Variants in CCDC178 observed in about 807,000 individuals in gnomAD.
CCDC178 encodes coiled-coil domain containing 178.
A neutral mutation model predicts 117.4 loss-of-function variants in CCDC178; 126 were observed. The ratio of observed to expected loss-of-function variants is 1.07; its 90% CI spans 0.93 to 1.24. CCDC178 has a LOEUF of 1.24. Among genes scored for constraint, CCDC178 ranks in the 50% most tolerant of loss-of-function variants. CCDC178 has a pLI of 0.00. For synonymous variants in CCDC178, 283 were observed against 313.4 expected, an observed-to-expected ratio of 0.90 and a Z score of 1.02; for missense variants, 1,030 against 986.9, an observed-to-expected ratio of 1.04 and a Z score of -0.59.
intron 2 of CCDC178, among the ~76,000 whole-genome samples, chr18:33,418,261 GA>G (rs1439562711): frequency 4.6e-5 from 7 of 152,266 alleles, no homozygotes; most frequent in African/African-American, 1.7e-4. Flanking sequence ...AATAGATGCA[GA>G]AAAGGCTTTT....
intron 21 of CCDC178, among the ~76,000 whole-genome samples, chr18:32,978,663 A>G (rs548603893): frequency 2.0e-4 from 31 of 152,336 alleles, no homozygotes; most frequent in African/African-American, 7.5e-4. Context: ...GATATCAGAA[A>G]TCAATACCCC....
At chr18:33,265,202 A>C (rs1196726739) in intron 14 of CCDC178, among the ~76,000 whole-genome samples, 1 of 152,136 alleles carries the variant, frequency 6.6e-6, no homozygotes, top group Admixed American at 6.6e-5. Context: ...AAATTTTATC[A>C]AACTTCCAAT....
intron 20 of CCDC178, among the ~76,000 whole-genome samples, chr18:33,184,828 T>A (rs1384160939): frequency 6.6e-6 from 1 of 152,024 alleles, no homozygotes; most frequent in Non-Finnish European, 1.5e-5. Flanking sequence ...TACAAAATTT[T>A]AAAAAACTGA....
chr18:32,942,563 A>G (rs1485901262), intron 22 of CCDC178, among the ~76,000 whole-genome samples: 4 of 152,174 alleles, frequency 2.6e-5, no homozygotes, highest in Admixed American at 6.5e-5. Context: ...GCTGACTGAC[A>G]TGATATGGGA....
At chr18:33,161,992 A>G (rs1298341339) in intron 20 of CCDC178, among the ~76,000 whole-genome samples, 1 of 152,332 alleles carries the variant, frequency 6.6e-6, no homozygotes, top group East Asian at 1.9e-4. Flanking sequence ...GGGAATCGCC[A>G]CACTGACTTC....
intron 11 of CCDC178, among the ~76,000 whole-genome samples, chr18:33,310,372 C>G (rs2062323919): frequency 1.3e-5 from 2 of 152,238 alleles, no homozygotes; most frequent in Middle Eastern, 6.8e-3. Flanking sequence ...ATAAATTGTA[C>G]ATGGAATTAA....
chr18:33,243,334 A>G (rs1302235904), intron 15 of CCDC178, among the ~76,000 whole-genome samples: 1 of 151,798 alleles, frequency 6.6e-6, no homozygotes, highest in Admixed American at 6.6e-5. Context: ...CGTGTTCCAT[A>G]CCACTGTAGG....
chr18:33,278,518 T>C (rs2059981650), intron 12 of CCDC178, among the ~76,000 whole-genome samples: 1 of 151,908 alleles, frequency 6.6e-6, no homozygotes, highest in Non-Finnish European at 1.5e-5. Flanking sequence ...TGCCTAAACA[T>C]AAAACTTCAG....
chr18:33,012,580 A>C (rs2055893075), intron 21 of CCDC178, among the ~76,000 whole-genome samples: 1 of 152,174 alleles, frequency 6.6e-6, no homozygotes. Context: ...GCAGTGCCTC[A>C]TTTTACAGCG....
chr18:33,314,580 G>GA lies in CCDC178; in HGVS notation c.1022+8910dup, dbSNP rs1319039742. 2.0e-5 allele frequency among the ~76,000 whole-genome samples: 3 copies of GA among 151,972 alleles called. No homozygotes were observed. In the East Asian group the frequency reaches 5.8e-4, roughly 29 times the overall value. ...TAACCAGGAGGTCCTCAGAAATATGGAAAAAAATGAGATGCTACCCAAATT... is the reference window on the plus strand; with the variant it reads ...TAACCAGGAGGTCCTCAGAAATATGGAAAAAAAATGAGATGCTACCCAAATT... On this transcript the variant is annotated intron_variant, in intron 11 of 22. Transcript: ENST00000383096.
intron 21 of CCDC178, among the ~76,000 whole-genome samples, chr18:33,020,173 T>G (rs2056084130): frequency 6.7e-6 from 1 of 150,266 alleles, no homozygotes; most frequent in Non-Finnish European, 1.5e-5. Flanking sequence ...TTGGCCAGGC[T>G]GGTCTCAAAC....
At chr18:33,343,627 C>T (rs8085525) in intron 9 of CCDC178, among the ~76,000 whole-genome samples, 10,355 of 152,194 alleles carry the variant, frequency 0.068, 460 homozygotes, top group Non-Finnish European at 0.093. Flanking sequence ...ATCTTTGATG[C>T]AGTCCACTAT....
At chr18:33,154,311 G>A (rs569098736) in intron 20 of CCDC178, among the ~76,000 whole-genome samples, 20 of 152,106 alleles carry the variant, frequency 1.3e-4, no homozygotes, top group Non-Finnish European at 2.4e-4. Flanking sequence ...AGAAAAATAA[G>A]AGTGTCTGGA....
intron 15 of CCDC178, among the ~76,000 whole-genome samples, chr18:33,227,552 G>A (rs905433233): frequency 0.069 from 4,883 of 70,738 alleles, 259 homozygotes; most frequent in African/African-American, 0.22. Context: ...GTGTGTGTGT[G>A]TGTGTATATA....
At chr18:33,243,207 T>C (rs2144684149) in intron 15 of CCDC178, among the ~76,000 whole-genome samples, 1 of 151,900 alleles carries the variant, frequency 6.6e-6, no homozygotes, top group Middle Eastern at 3.4e-3. Flanking sequence ...AAAATTGATC[T>C]CACAAAAGTA....
intron 20 of CCDC178, among the ~76,000 whole-genome samples, chr18:33,098,941 G>A (rs79107444): frequency 0.026 from 3,946 of 151,866 alleles, 79 homozygotes; most frequent in East Asian, 0.1. Context: ...ATCAAGTGGG[G>A]GAACAGCATA....
intron 17 of CCDC178, 127 bp from the exon 18 acceptor site, chr18:33,223,346 C>A (rs1371409821): frequency 7.4e-6 from 8 of 1,083,376 alleles, no homozygotes; most frequent in Non-Finnish European, 6.2e-6. Context: ...AGGGAAAGAA[C>A]CATCACACAT....
chr18:33,113,438 G>A (rs1204905654), intron 20 of CCDC178, among the ~76,000 whole-genome samples: 2 of 151,702 alleles, frequency 1.3e-5, no homozygotes, highest in African/African-American at 4.8e-5. Flanking sequence ...TAAAAACTTT[G>A]GAATCAATAA....
intron 9 of CCDC178, among the ~76,000 whole-genome samples, chr18:33,334,446 A>C (rs1315233731): frequency 2.6e-5 from 4 of 152,172 alleles, no homozygotes; most frequent in Admixed American, 1.3e-4. Context: ...TGAACAGAGA[A>C]GGACAATTTT....
Sources: gnomAD v4.1 joint callset for allele counts (sites outside exome capture counted in the v4.1 genomes callset) on GRCh38, gnomAD v4.1.1 for gene constraint, MANE v1.5 for transcripts, NCBI Gene and HGNC (gene_info 2026-07-23, HGNC 2026-07-21) for gene names.